OTOG: variants seen among roughly 807,000 people sequenced by gnomAD.
OTOG encodes the protein otogelin.
OTOG carries 296 observed loss-of-function variants against 313.8 expected under a neutral mutation model. The ratio of observed to expected loss-of-function variants is 0.94; its 90% confidence interval spans 0.86 to 1.04. The LOEUF (loss-of-function observed/expected upper bound fraction) is 1.04, where lower values mean the gene tolerates loss of function less well. Among genes scored for constraint, OTOG ranks in the 50% least tolerant of loss-of-function variants. The pLI is 0.00. For synonymous variants in OTOG, 1,533 were observed against 1,554.9 expected (o/e 0.99, Z 0.33); for missense variants, 3,948 against 3,840.1 (o/e 1.03, Z -0.74).
At position 17,558,179 on chromosome 11, in the gene OTOG, C is replaced by T; in HGVS notation, c.866-6C>T. On this transcript the variant is annotated splice_polypyrimidine_tract_variant and splice_region_variant and intron_variant, in intron 8 of 55. Transcript: ENST00000399397. ...GCCCCATCATGATGTCAGCTCCCTC[C>T]TCCAGGGAAGCTGACTGACGACGTG... The T allele has an allele frequency of 1.3e-6, 2 of 1,550,518 alleles. No individual in the cohort carries two copies. The highest frequency in any genetic ancestry group is 1.7e-6 in the Non-Finnish European group (2 of 1,146,984).
Position 17,596,097 on chromosome 11 carries a change from T to G in OTOG, c.3468T>G (p.Phe1156Leu), listed in dbSNP as rs1454227540. ...MCVLNPLREP[F>L]AKKECSILLS... ...TCCTGAATCCTCTCCGAGAACCATT[T>G]GCCAAGAAGGAGTGCAGCATCCTGC... Residue 1156 changes from phenylalanine (F) to leucine (L), a missense_variant, in exon 29 of 56, where the codon TTT becomes TTG. Phe to Leu is a conservative substitution (Grantham distance 22). Transcript: ENST00000399397. The G allele has an allele frequency of 1.3e-6, 2 of 1,550,788 alleles. No individual in the cohort carries two copies. The highest frequency in any genetic ancestry group is 1.7e-6 in the Non-Finnish European group (2 of 1,147,038).
chr11:17,557,722 G>A (rs898210077), intron 8 of OTOG, among the ~76,000 whole-genome samples: 2 of 152,106 alleles, frequency 1.3e-5, no homozygotes, highest in Non-Finnish European at 2.9e-5. Flanking sequence ...AGCGTTCAGG[G>A]CCAAATCATG....
At position 17,633,767 on chromosome 11, in the gene OTOG, C is replaced by T; in HGVS notation, c.7160C>T (p.Pro2387Leu). The change falls in exon 43 of 56, where the codon CCT (proline) becomes CTT (leucine). Residue 2387 changes from proline to leucine, a missense_variant. Transcript: ENST00000399397. The part of the protein sequence containing the change: ...PKTCQDGILG[P>L]LDPEHCQVLG... ...ACATGCCAGGATGGGATACTAGGGC[C>T]TCTGGACCCAGAGCACTGCCAGGTG... 2 of 1,550,520 alleles carry T rather than the reference C, an allele frequency of 1.3e-6. No homozygotes were observed. Among genetic ancestry groups the T allele is most frequent in the Non-Finnish European group, 1.7e-6 (2 of 1,146,972 alleles).
intron 51 of OTOG, 65 bp downstream of exon 51, chr11:17,641,156 TC>T: frequency 1.4e-6 from 2 of 1,473,012 alleles, no homozygotes; most frequent in Non-Finnish European, 1.8e-6. Context: ...CCTTGGGTGC[TC>T]CAGGAGCCAG....
intron 51 of OTOG, 107 bp downstream of exon 51, chr11:17,641,198 G>A (rs1031729198): frequency 7.9e-7 from 1 of 1,267,122 alleles, no homozygotes; most frequent in African/African-American, 1.5e-5. Context: ...TAAACCCCCA[G>A]GACAAGTCAG....
intron 15 of OTOG, among the ~76,000 whole-genome samples, chr11:17,567,893 CTTTCT>C (rs138698434): frequency 0.84 from 127,426 of 150,810 alleles, 54,035 homozygotes; most frequent in East Asian, 1. Flanking sequence ...GTTAGTAACA[CTTTCT>C]TTTCTTTTCT....
rs752641698 is a variant in OTOG, at chr11:17,634,905, C to T, written c.7542C>T (p.Leu2514=). 1 of 1,549,232 alleles carries T rather than the reference C, an allele frequency of 6.5e-7. No homozygotes were observed. The highest frequency in any genetic ancestry group is 8.7e-7 in the Non-Finnish European group (1 of 1,146,822). ...CATGCCGCCCAGGCCACCGCCTCCT[C>T]ACCCACTTCCAGGAGGACTCCTGCT... ...APTCRPGHRL[L]THFQEDSCCP... Residue 2514 remains leucine, a synonymous_variant, in exon 45 of 56, where the codon CTC becomes CTT. Coordinates refer to ENST00000399397, the MANE Select transcript of OTOG (RefSeq NM_001292063.2).
chr11:17,624,167 A>T (rs1160765137), intron 39 of OTOG, among the ~76,000 whole-genome samples: 2 of 152,082 alleles, frequency 1.3e-5, no homozygotes, highest in African/African-American at 4.8e-5. Context: ...ATTAGATCCC[A>T]TTTGTCAATT....
chr11:17,605,981 C>G lies in OTOG; in HGVS notation c.4002C>G (p.Phe1334Leu). Residue 1334 changes from phenylalanine (F) to leucine (L), a missense_variant, in exon 33 of 56, where the codon TTC becomes TTG. Physicochemically the swap from Phe to Leu is conservative, Grantham distance 22. Transcript: ENST00000399397. ...GRDTFQQHAS[F>L]LLHRGTRQAG... ...ACACCTTCCAACAGCATGCCTCCTT[C>G]TTGCTGCACCGGGGGACACGGCAGG... The G allele has an allele frequency of 6.4e-7, 1 of 1,550,640 alleles. No individual in the cohort carries two copies. Among genetic ancestry groups the G allele is most frequent in the Non-Finnish European group, 8.7e-7 (1 of 1,147,002 alleles).
At chr11:17,636,869 T>A (rs979606235) in intron 47 of OTOG, among the ~76,000 whole-genome samples, 4 of 152,178 alleles carry the variant, frequency 2.6e-5, no homozygotes, top group African/African-American at 9.7e-5. Context: ...GAGCCAAGGT[T>A]GCTCATTTGT....
chr11:17,553,634 G>GC (rs1206494524), intron 6 of OTOG, 115 bp downstream of exon 6: 39 of 1,019,572 alleles, frequency 3.8e-5, no homozygotes, highest in Non-Finnish European at 4.3e-5. Flanking sequence ...TCCTTGCATC[G>GC]CCCCCCAGCT....
Position 17,578,451 on chromosome 11 carries a change from C to T in OTOG, c.2684C>T (p.Thr895Met), listed in dbSNP as rs777886999. The change falls in exon 23 of 56, where the codon ACG becomes ATG. Residue 895 changes from threonine (T) to methionine (M), a missense_variant. Thr to Met is a moderately conservative substitution (Grantham distance 81). Coordinates refer to ENST00000399397, the MANE Select transcript of OTOG (RefSeq NM_001292063.2). ...GACCTGGAGCTGAGCAGGGAGAGGA[C>T]GTGTGAGCAGCAACTGCTGAACCTG... ...HTDLELSRER[T>M]CEQQLLNLSV... 7 of 1,541,644 alleles carry T rather than the reference C, an allele frequency of 4.5e-6. No homozygotes were observed. The highest frequency in any genetic ancestry group is 1.7e-4 in the Middle Eastern group (1 of 5,988).
intron 30 of OTOG, 43 bp downstream of exon 30, chr11:17,597,050 T>A: frequency 6.5e-7 from 1 of 1,542,728 alleles, no homozygotes; most frequent in Non-Finnish European, 8.7e-7. Context: ...GAGTAGAGTG[T>A]CACCTGTGGG....
In OTOG at chr11:17,600,321, G is replaced by C. The variant is rs1853217997; in HGVS notation, c.3709+624G>C. ...GGTAGAGAAGGGCTGCCCAGGAGTA[G>C]TTTTTAGCACCGAACTTCATCCAGT... On this transcript the variant is annotated intron_variant, in intron 31 of 55. Transcript: ENST00000399397. 1.3e-5 allele frequency among the ~76,000 whole-genome samples: 2 copies of C among 152,224 alleles called. 1 individual carries two copies. The highest frequency in any genetic ancestry group is 4.1e-4 in the South Asian group (2 of 4,836).
chr11:17,578,960 C>T (rs933350557), intron 23 of OTOG, among the ~76,000 whole-genome samples: 2 of 152,136 alleles, frequency 1.3e-5, no homozygotes, highest in Non-Finnish European at 2.9e-5. Context: ...GGCTAGTGCC[C>T]CTAAAATATT....
At position 17,612,190 on chromosome 11, in the gene OTOG, A is replaced by T. The variant is rs1565118040; in HGVS notation, c.6152A>T (p.His2051Leu). 1.3e-6 allele frequency: 2 copies of T among 1,549,990 alleles called. No homozygotes were observed. Among genetic ancestry groups the T allele is most frequent in the East Asian group, 4.9e-5 (2 of 40,916 alleles). ...ATCGCCGAGCAGGACTGCGTCCGCC[A>T]CATCTGCCTGGAGGGCCAGCTGATT... is the stretch of plus-strand genomic sequence containing the variant. The part of the protein sequence containing the change: ...VPIAEQDCVR[H>L]ICLEGQLIRV... Residue 2051 changes from histidine to leucine, a missense_variant, in exon 37 of 56, where the codon CAC becomes CTC. By Grantham distance (99) the His-to-Leu change is moderately conservative. Transcript: ENST00000399397.
At chr11:17,626,547 G>GTAA (rs35503438) in intron 39 of OTOG, among the ~76,000 whole-genome samples, 6,030 of 152,222 alleles carry the variant, frequency 0.04, 402 homozygotes, top group African/African-American at 0.14. Context: ...TTGAAGTCAG[G>GTAA]TAATGTAATT....
At position 17,631,800 on chromosome 11, in the gene OTOG, G is replaced by A. The variant is rs1483788964; in HGVS notation, c.6811G>A (p.Val2271Met). The change falls in exon 41 of 56, where the codon GTG (valine) becomes ATG (methionine). Residue 2271 changes from valine (V) to methionine (M), a missense_variant. Physicochemically the swap from Val to Met is conservative, Grantham distance 21. Transcript: ENST00000399397. ...DPAPFLDSWQ[V>M]PSSLTSVGQT... Reference sequence around the variant, plus strand: ...TGCTCCCTTTCTGGACAGCTGGCAGGTGCCCAGCTCCCTGACCTCAGTGGG... The same window carrying A: ...TGCTCCCTTTCTGGACAGCTGGCAGATGCCCAGCTCCCTGACCTCAGTGGG... 4 of 1,550,492 alleles carry A rather than the reference G, an allele frequency of 2.6e-6. No homozygotes were observed. Among genetic ancestry groups the A allele is most frequent in the Non-Finnish European group, 3.5e-6 (4 of 1,147,008 alleles).
chr11:17,586,699 C>A (rs551481191), intron 24 of OTOG, 118 bp downstream of exon 24: 3 of 501,266 alleles, frequency 6.0e-6, no homozygotes, highest in Non-Finnish European at 6.6e-6. Flanking sequence ...TCATGTTGTG[C>A]GTTTGTGTGT....
Sources: gnomAD v4.1 joint callset for allele counts (sites outside exome capture counted in the v4.1 genomes callset) on GRCh38, gnomAD v4.1.1 for gene constraint, MANE v1.5 for transcripts, NCBI Gene and HGNC (gene_info 2026-07-23, HGNC 2026-07-21) for gene names.